The following CDCP1 variants were observed in gnomAD, a reference collection of about 807,000 sequenced individuals.
CDCP1 encodes the protein CUB domain-containing protein 1.
CDCP1 carries 29 observed loss-of-function variants against 60.2 expected under a neutral mutation model. The ratio of observed to expected loss-of-function variants is 0.48; its 90% CI spans 0.36 to 0.66. The LOEUF is 0.66. CDCP1 is among the 30% of genes least tolerant of loss of function. CDCP1 has a pLI of 0.00. For synonymous variants in CDCP1, 387 were observed against 431.1 expected (o/e 0.90, Z 1.27); for missense variants, 876 against 1,074.3 (o/e 0.82, Z 2.58).
chr3:45,131,133 A>T (rs1699086563), intron 1 of CDCP1, among the ~76,000 whole-genome samples: 1 of 151,984 alleles, frequency 6.6e-6, no homozygotes, highest in Non-Finnish European at 1.5e-5. Flanking sequence ...AAATGCTGGG[A>T]TGACGGGTGC....
chr3:45,094,838 G>C (rs976169550), intron 5 of CDCP1, among the ~76,000 whole-genome samples: 2 of 152,048 alleles, frequency 1.3e-5, no homozygotes, highest in Non-Finnish European at 2.9e-5. Context: ...GTATGACACA[G>C]TTCTGAGGGC....
intron 1 of CDCP1, among the ~76,000 whole-genome samples, chr3:45,127,732 C>T (rs1314274863): frequency 6.6e-6 from 1 of 152,188 alleles, no homozygotes; most frequent in Non-Finnish European, 1.5e-5. Flanking sequence ...CATTCCCCAC[C>T]CCACTCCTTC....
At chr3:45,104,824 T>G (rs147038715) in intron 4 of CDCP1, among the ~76,000 whole-genome samples, 1,944 of 152,220 alleles carry the variant, frequency 0.013, 42 homozygotes, top group African/African-American at 0.044. Context: ...GAGGCTGAGG[T>G]GGGCAGATCA....
rs752581699 is a variant in CDCP1 at position 45,091,753 on chromosome 3, G to T, written c.1628-215C>A. Among the ~76,000 whole-genome samples the T allele has an allele frequency of 5.3e-5, 8 of 152,180 alleles. No individual in the cohort carries two copies. The highest frequency in any genetic ancestry group is 7.3e-5 in the Non-Finnish European group (5 of 68,028). On this transcript the variant is annotated intron_variant, in intron 6 of 8. Coordinates refer to ENST00000296129, the MANE Select transcript of CDCP1 (RefSeq NM_022842.5). The surrounding 1 kb of genome is among the most constrained non-coding windows in gnomAD (Gnocchi z 4.8). Reference sequence around the variant, plus strand: ...TTGAAATGTGCCCAGCATGACCAAAGAACTGCATTTTAAATTTGTTTCATG... The same window carrying T: ...TTGAAATGTGCCCAGCATGACCAAATAACTGCATTTTAAATTTGTTTCATG...
intron 8 of CDCP1, among the ~76,000 whole-genome samples, 189 bp downstream of exon 8, chr3:45,088,865 C>T (rs115113857): frequency 2.3e-3 from 355 of 151,786 alleles, no homozygotes; most frequent in African/African-American, 8.4e-3. Flanking sequence ...TTTATCCCCC[C>T]CTCACCCCCA....
chr3:45,084,389 G>A lies in CDCP1; in HGVS notation c.*1249C>T, dbSNP rs939446682. ...CCTAATCCCCACCTGTGGCTATGTT[G>A]TCTTGCATGGCAAAAGGCTCTTCCA... is the stretch of plus-strand genomic sequence containing the variant. On this transcript the variant is annotated 3_prime_UTR_variant, in exon 9 of 9. Coordinates refer to ENST00000296129, the MANE Select transcript of CDCP1 (RefSeq NM_022842.5). The A allele has an allele frequency of 4.6e-5, 7 of 152,320 alleles. No homozygotes were observed. The highest frequency in any genetic ancestry group is 1.7e-4 in the African/African-American group (7 of 41,564). 9.4% of individuals were successfully genotyped at this position (152,320 alleles called of 1,614,324 possible). A position where few individuals can be genotyped will look rare whatever the true frequency, so the allele number is the denominator to read the frequency against.
At chr3:45,117,993 G>GT (rs1698822195) in intron 2 of CDCP1, among the ~76,000 whole-genome samples, 1 of 152,080 alleles carries the variant, frequency 6.6e-6, no homozygotes. Context: ...TTTGTCTTCC[G>GT]TATCAGCCAG....
At position 45,088,150 on chromosome 3, in the gene CDCP1, C is replaced by T. The variant is rs62242511; in HGVS notation, c.2081+904G>A. On this transcript the variant is annotated intron_variant, in intron 8 of 8. Transcript: ENST00000296129. ...GAATTTATACAGTTTGGCGGCAGCA[C>T]GGACTCTGTCTAAAAAGGTCAACAT... is the stretch of plus-strand genomic sequence containing the variant. 5.9e-3 allele frequency among the ~76,000 whole-genome samples: 904 copies of T among 152,290 alleles called. 5 individuals carry two copies. Among genetic ancestry groups the T allele is most frequent in the African/African-American group, 0.016 (684 of 41,556 alleles).
intron 2 of CDCP1, among the ~76,000 whole-genome samples, chr3:45,116,054 A>G (rs1698784340): frequency 6.6e-6 from 1 of 151,770 alleles, no homozygotes; most frequent in South Asian, 2.1e-4. Flanking sequence ...GGGCATGCAT[A>G]ATAAGCCTCC....
At chr3:45,131,975 T>C (rs1699104290) in intron 1 of CDCP1, among the ~76,000 whole-genome samples, 1 of 152,200 alleles carries the variant, frequency 6.6e-6, no homozygotes, top group Admixed American at 6.5e-5. Flanking sequence ...GGCTCATGCC[T>C]GTAATCCCAG....
intron 1 of CDCP1, among the ~76,000 whole-genome samples, chr3:45,133,485 G>A (rs558366049): frequency 8.8e-3 from 41 of 4,652 alleles, no homozygotes; most frequent in African/African-American, 0.011. Flanking sequence ...TTGGGAGGCC[G>A]AGGCGGGCGG....
intron 1 of CDCP1, among the ~76,000 whole-genome samples, chr3:45,131,320 A>G (rs1326354433): frequency 6.6e-6 from 1 of 152,154 alleles, no homozygotes; most frequent in Non-Finnish European, 1.5e-5. Context: ...AAACTTTATC[A>G]TTTTAACCGT....
intron 1 of CDCP1, among the ~76,000 whole-genome samples, chr3:45,126,460 C>G (rs529591334): frequency 6.6e-6 from 1 of 152,104 alleles, no homozygotes; most frequent in Admixed American, 6.6e-5. Context: ...TCCAGTGGAC[C>G]TGAGGCAGTG....
At chr3:45,108,555 C>G (rs1208249069) in intron 4 of CDCP1, among the ~76,000 whole-genome samples, 2 of 151,654 alleles carry the variant, frequency 1.3e-5, no homozygotes, top group African/African-American at 4.8e-5. Context: ...AAACAAATCC[C>G]CCTGTCTTCT....
At chr3:45,121,256 G>A (rs1268717504) in intron 1 of CDCP1, among the ~76,000 whole-genome samples, 1 of 152,184 alleles carries the variant, frequency 6.6e-6, no homozygotes, top group Non-Finnish European at 1.5e-5. Context: ...TTGCTCAAAT[G>A]CTTGGTCTTC....
At chr3:45,143,172 C>T (rs536683320) in intron 1 of CDCP1, among the ~76,000 whole-genome samples, 59 of 152,250 alleles carry the variant, frequency 3.9e-4, no homozygotes, top group African/African-American at 1.3e-3. Context: ...CCATTGCACT[C>T]CAGCTTGGGC....
At chr3:45,087,131 C>T (rs1393692933) in intron 8 of CDCP1, among the ~76,000 whole-genome samples, 3 of 152,204 alleles carry the variant, frequency 2.0e-5, no homozygotes, top group African/African-American at 7.2e-5. Context: ...TTTTCAGTCC[C>T]CCTGCCCCCA....
At chr3:45,089,021 A>T (rs748819844) in intron 8 of CDCP1, 33 bp downstream of exon 8, 2 of 1,530,868 alleles carry the variant, frequency 1.3e-6, no homozygotes, top group African/African-American at 1.4e-5. Flanking sequence ...GGAGGCATCA[A>T]ATCAGATAAA....
At chr3:45,122,413 G>C (rs1553610724) in intron 1 of CDCP1, among the ~76,000 whole-genome samples, 1 of 151,588 alleles carries the variant, frequency 6.6e-6, no homozygotes, top group Non-Finnish European at 1.5e-5. Context: ...CAAAGTGCTG[G>C]GATTACAGGC....
Sources: gnomAD v4.1 joint callset for allele counts (sites outside exome capture counted in the v4.1 genomes callset) on GRCh38, gnomAD v4.1.1 for gene constraint, Gnocchi (gnomAD v3.1) non-coding constraint, MANE v1.5 for transcripts, NCBI Gene and HGNC (gene_info 2026-07-23, HGNC 2026-07-21) for gene names.